OR6N1: variants seen among roughly 807,000 people sequenced by gnomAD.
The protein encoded by OR6N1 is olfactory receptor family 6 subfamily N member 1.
For missense variants in OR6N1, 394 were observed against 371.7 expected (o/e 1.06, Z -0.49); for synonymous variants, 170 against 150.7 (o/e 1.13, Z -0.94).
the OR6N1 span, among the ~76,000 whole-genome samples, chr1:158,814,304 CTGTG>C: frequency 6.6e-6 from 1 of 151,788 alleles, no homozygotes; most frequent in South Asian, 2.1e-4. Flanking sequence ...ATGTGCACAC[CTGTG>C]TGTGTGTATG....
the OR6N1 span, among the ~76,000 whole-genome samples, chr1:158,786,590 A>G: frequency 1.3e-5 from 2 of 152,214 alleles, no homozygotes; most frequent in Non-Finnish European, 2.9e-5. Context: ...TATGGAACCA[A>G]CCTAAGTGCC....
chr1:158,797,169 C>A, the OR6N1 span, among the ~76,000 whole-genome samples: 1 of 152,182 alleles, frequency 6.6e-6, no homozygotes, highest in Non-Finnish European at 1.5e-5. Flanking sequence ...CCACCTGCCC[C>A]CTTTGTCTCT....
At chr1:158,776,090 A>G (rs2820114), upstream of OR6N1, 98,142 of 151,990 alleles carry the variant, frequency 0.65, 32,311 homozygotes, top group African/African-American at 0.78. Context: ...GACAACGAAG[A>G]CTGGGAAAGA....
chr1:158,791,736 G>A, the OR6N1 span, among the ~76,000 whole-genome samples: 1 of 152,282 alleles, frequency 6.6e-6, no homozygotes, highest in South Asian at 2.1e-4. Flanking sequence ...CCAAAGTGCT[G>A]GGATTACAGG....
chr1:158,789,068 T>TA, the OR6N1 span, among the ~76,000 whole-genome samples: 1 of 152,202 alleles, frequency 6.6e-6, no homozygotes, highest in Non-Finnish European at 1.5e-5. Context: ...TCCACTTTTT[T>TA]ACCTCTCACA....
chr1:158,792,271 A>T, the OR6N1 span, among the ~76,000 whole-genome samples: 2 of 152,088 alleles, frequency 1.3e-5, no homozygotes, highest in Non-Finnish European at 2.9e-5. Flanking sequence ...CTTTACCTTG[A>T]GCCTATAAGA....
chr1:158,767,862 G>A (rs1269878603), intron 1 of OR6N1, among the ~76,000 whole-genome samples: 2 of 152,092 alleles, frequency 1.3e-5, no homozygotes, highest in Non-Finnish European at 2.9e-5. Context: ...ACTCTAATTA[G>A]ATTTATACTA....
At chr1:158,792,348 T>TCTC in the OR6N1 span, among the ~76,000 whole-genome samples, 1 of 152,172 alleles carries the variant, frequency 6.6e-6, no homozygotes, top group Non-Finnish European at 1.5e-5. Flanking sequence ...TTTAATCCAT[T>TCTC]CTCCCAATCA....
the OR6N1 span, among the ~76,000 whole-genome samples, chr1:158,782,374 T>C: frequency 1.3e-5 from 2 of 152,236 alleles, no homozygotes; most frequent in Admixed American, 6.5e-5. Context: ...TTATTTTCTT[T>C]ACCTTTAAAC....
At chr1:158,777,236 T>C in the OR6N1 span, 15 of 1,613,904 alleles carry the variant, frequency 9.3e-6, no homozygotes, top group Non-Finnish European at 1.3e-5. Context: ...GTCATAATTA[T>C]AGGGTAGTGG....
chr1:158,810,280 C>G, the OR6N1 span, among the ~76,000 whole-genome samples: 4 of 152,110 alleles, frequency 2.6e-5, no homozygotes, highest in African/African-American at 9.7e-5. Flanking sequence ...TTTGGCTACT[C>G]TCATCTTTTC....
At chr1:158,797,292 A>G in the OR6N1 span, among the ~76,000 whole-genome samples, 1 of 152,200 alleles carries the variant, frequency 6.6e-6, no homozygotes, top group Non-Finnish European at 1.5e-5. Flanking sequence ...CTGGCTGTCC[A>G]TCTTGAACTT....
chr1:158,765,696 G>C lies in OR6N1; in HGVS notation c.*48C>G. 6.8e-7 allele frequency: 1 copy of C among 1,462,296 alleles called. No individual in the cohort carries two copies. The highest frequency in any genetic ancestry group is 9.4e-7 in the Non-Finnish European group (1 of 1,058,584). 90.6% of individuals were successfully genotyped at this position (1,462,296 alleles called of 1,614,324 possible). A position where few individuals can be genotyped will look rare whatever the true frequency, so the allele number is the denominator to read the frequency against. ...CGTCTCTGGCCACTGTTGATCCCTG[G>C]GGCCACCATATCCTCAGGCCCGGCC... On this transcript the variant is annotated 3_prime_UTR_variant, in exon 2 of 2. Transcript: ENST00000641846.
At chr1:158,786,599 C>T in the OR6N1 span, among the ~76,000 whole-genome samples, 1 of 152,118 alleles carries the variant, frequency 6.6e-6, no homozygotes, top group African/African-American at 2.4e-5. Flanking sequence ...AACCTAAGTG[C>T]CCATCCACCA....
the OR6N1 span, among the ~76,000 whole-genome samples, chr1:158,821,943 T>C: frequency 4.6e-5 from 7 of 152,244 alleles, no homozygotes; most frequent in East Asian, 9.6e-4. Context: ...GCATTTGGTA[T>C]TGTCAGCATT....
At chr1:158,832,594 T>A in the OR6N1 span, among the ~76,000 whole-genome samples, 1 of 151,138 alleles carries the variant, frequency 6.6e-6, no homozygotes, top group Admixed American at 6.6e-5. Flanking sequence ...TAATAACAGA[T>A]TATATTTATA....
chr1:158,771,439 C>T (rs551980001), intron 1 of OR6N1, among the ~76,000 whole-genome samples: 1 of 152,302 alleles, frequency 6.6e-6, no homozygotes, highest in East Asian at 1.9e-4. Flanking sequence ...AGCTCTTTAG[C>T]TCATCAGTTA....
Position 158,764,577 on chromosome 1 carries a change from T to A in OR6N1, c.*1167A>T, listed in dbSNP as rs746206340. ...GTGGTATTAAAAATATTTTGTAATC[T>A]TCTTAGGAAGTTCTATAGAATTCAA... On this transcript the variant is annotated 3_prime_UTR_variant, in exon 2 of 2. Transcript: ENST00000641846. The A allele has an allele frequency of 6.6e-6, 1 of 151,874 alleles. No homozygotes were observed. Among genetic ancestry groups the A allele is most frequent in the Non-Finnish European group, 1.5e-5 (1 of 67,848 alleles). The allele number at this position is 151,874 out of a possible 1,614,324, so 9.4% of individuals were successfully genotyped here.
the OR6N1 span, chr1:158,777,557 G>T: frequency 6.2e-7 from 1 of 1,614,076 alleles, no homozygotes; most frequent in Non-Finnish European, 8.5e-7. Flanking sequence ...AGGACAAAAA[G>T]CCAGCCCCTG....
Sources: allele counts gnomAD v4.1 joint callset (sites outside exome capture counted in the v4.1 genomes callset), GRCh38; gene constraint gnomAD v4.1.1; transcripts MANE v1.5; gene names NCBI Gene and HGNC (gene_info 2026-07-23, HGNC 2026-07-21).